Variants in SLC7A1 observed in about 807,000 individuals in gnomAD.
The protein encoded by SLC7A1 is high affinity cationic amino acid transporter 1.
Under a neutral mutation model 53.9 loss-of-function variants are expected in SLC7A1, and 10 were observed. The ratio of observed to expected loss-of-function variants is 0.19; its 90% CI spans 0.11 to 0.31. The LOEUF is 0.31. SLC7A1 is among the 10% of genes least tolerant of loss of function. The pLI is 1.00. For synonymous variants in SLC7A1, 342 were observed against 338.7 expected, an observed-to-expected ratio of 1.01 and a Z score of -0.11; for missense variants, 525 against 827.2, an observed-to-expected ratio of 0.63 and a Z score of 4.48.
intron 1 of SLC7A1, among the ~76,000 whole-genome samples, chr13:29,593,065 G>A (rs1872173474): frequency 6.6e-6 from 1 of 152,178 alleles, no homozygotes; most frequent in Non-Finnish European, 1.5e-5. Context: ...ACGGGTGGCT[G>A]CAACACACAG....
intron 1 of SLC7A1, among the ~76,000 whole-genome samples, chr13:29,591,397 A>T (rs1872103989): frequency 6.6e-6 from 1 of 152,190 alleles, no homozygotes; most frequent in Non-Finnish European, 1.5e-5. Context: ...TCTTTCTGCC[A>T]GTAGGGATCA....
chr13:29,538,482 T>G (rs1297560041), intron 2 of SLC7A1, among the ~76,000 whole-genome samples: 1 of 152,206 alleles, frequency 6.6e-6, no homozygotes. Context: ...AGAGCAGTTC[T>G]GAGGTGTCTC....
rs767731591 is a variant in SLC7A1, at chr13:29,517,246, C to T, written c.1575G>A (p.Ala525=). Residue 525 remains alanine (A), a synonymous_variant, in exon 11 of 13, where the codon GCG becomes GCA. Transcript: ENST00000380752. ...VLGREALTKG[A]LWAVFLLAGS... ...CTGCGAGCAGAAAGACTGCCCACAG[C>T]GCCCCTTTGGTGAGAGCCTCCCTTC... The T allele has an allele frequency of 1.5e-4, 240 of 1,613,244 alleles. No individual in the cohort carries two copies. The highest frequency in any genetic ancestry group is 1.9e-4 in the Non-Finnish European group (219 of 1,179,678).
chr13:29,516,630 G>A (rs931570969), intron 11 of SLC7A1, among the ~76,000 whole-genome samples: 3 of 152,122 alleles, frequency 2.0e-5, no homozygotes, highest in African/African-American at 4.8e-5. Context: ...AGCCTTGCCC[G>A]TCTCCAAGGC....
intron 1 of SLC7A1, among the ~76,000 whole-genome samples, chr13:29,568,531 T>C (rs1482546328): frequency 6.6e-6 from 1 of 152,202 alleles, no homozygotes; most frequent in East Asian, 1.9e-4. Flanking sequence ...TCACATACCA[T>C]TAAAATAAAA....
intron 1 of SLC7A1, among the ~76,000 whole-genome samples, chr13:29,562,655 T>C (rs754287644): frequency 2.0e-5 from 3 of 152,208 alleles, no homozygotes; most frequent in South Asian, 4.1e-4. Flanking sequence ...GTTATCATTG[T>C]TGTGGTATTC....
At chr13:29,529,011 C>T (rs191459373) in intron 5 of SLC7A1, among the ~76,000 whole-genome samples, 19 of 152,240 alleles carry the variant, frequency 1.2e-4, no homozygotes, top group African/African-American at 3.1e-4. Context: ...AACTAGCAAC[C>T]GGTCGAATAT....
rs2482089 is a variant in SLC7A1, at chr13:29,517,577, G to A, written c.1506C>T (p.Leu502=). The change falls in exon 10 of 13, where the codon CTC becomes CTT. Residue 502 remains leucine (L), a synonymous_variant. Transcript: ENST00000380752. ...CAGGGAAGGGCTAGCTCTTACCTAT[G>A]AGGCTGGTTGAAATGTTCACAATTA... ...SGLIVNISTS[L]IAVLIITFCI... 0.97 allele frequency: 1,565,792 copies of A among 1,612,570 alleles called. 761,418 individuals are homozygous for A. Among genetic ancestry groups the A allele is most frequent in the Non-Finnish European group, 0.98 (1,158,558 of 1,178,628 alleles).
intron 9 of SLC7A1, 144 bp from the exon 10 acceptor site, chr13:29,517,934 T>G (rs1868433447): frequency 1.5e-6 from 1 of 662,338 alleles, no homozygotes; most frequent in African/African-American, 1.8e-5. Flanking sequence ...TGCTGCATTG[T>G]AGATAGACGA....
intron 1 of SLC7A1, among the ~76,000 whole-genome samples, chr13:29,559,670 TTAAGC>T (rs1479224760): frequency 6.6e-6 from 1 of 152,026 alleles, no homozygotes; most frequent in Non-Finnish European, 1.5e-5. Context: ...CAGTCATAAA[TTAAGC>T]TTAGCTTACC....
At chr13:29,593,648 A>C (rs61374368) in intron 1 of SLC7A1, among the ~76,000 whole-genome samples, 2,305 of 152,340 alleles carry the variant, frequency 0.015, 60 homozygotes, top group African/African-American at 0.053. Context: ...GTTAAAATAA[A>C]CTACAGACCA....
chr13:29,525,107 G>T (rs1868824678), intron 5 of SLC7A1, among the ~76,000 whole-genome samples: 1 of 152,224 alleles, frequency 6.6e-6, no homozygotes, highest in Non-Finnish European at 1.5e-5. Flanking sequence ...CATGCAGTCA[G>T]TGCAGGCGGC....
chr13:29,549,800 G>A (rs1476948204), intron 2 of SLC7A1, among the ~76,000 whole-genome samples: 1 of 152,108 alleles, frequency 6.6e-6, no homozygotes, highest in Admixed American at 6.5e-5. Flanking sequence ...GAGTAGCTGG[G>A]ACTAGAGGCA....
rs1872144883 is a variant in SLC7A1 at position 29,592,318 on chromosome 13, G to C, written c.-115+3098C>G. 2.6e-5 allele frequency among the ~76,000 whole-genome samples: 4 copies of C among 152,328 alleles called. No homozygotes were observed. The South Asian group carries it at 8.3e-4, about 32-fold the overall frequency. Reference sequence around the variant, plus strand: ...TGAAAGCCACTGGGTGTGGCAGGAGGGGCAAACCACAGACCAGCCAGAATC... The same window carrying C: ...TGAAAGCCACTGGGTGTGGCAGGAGCGGCAAACCACAGACCAGCCAGAATC... On this transcript the variant is annotated intron_variant, in intron 1 of 12. Transcript: ENST00000380752.
At chr13:29,586,092 C>T (rs1221773813) in intron 1 of SLC7A1, among the ~76,000 whole-genome samples, 2 of 152,220 alleles carry the variant, frequency 1.3e-5, no homozygotes, top group Admixed American at 1.3e-4. Flanking sequence ...ACATCTGATA[C>T]TCTGATTTCA....
chr13:29,552,019 G>A (rs372113011), intron 2 of SLC7A1, among the ~76,000 whole-genome samples: 1 of 152,120 alleles, frequency 6.6e-6, no homozygotes, highest in Admixed American at 6.5e-5. Flanking sequence ...TTCAAGGCAG[G>A]CTGCTCAAAG....
intron 2 of SLC7A1, among the ~76,000 whole-genome samples, chr13:29,538,332 G>T (rs959716790): frequency 6.6e-6 from 1 of 152,184 alleles, no homozygotes; most frequent in African/African-American, 2.4e-5. Context: ...AACAGTGATG[G>T]AGTGGGAAAA....
Position 29,532,908 on chromosome 13 carries a change from G to A in SLC7A1, c.445C>T (p.Arg149Trp), listed in dbSNP as rs761231849. 9 of 1,613,984 alleles carry A rather than the reference G, an allele frequency of 5.6e-6. No homozygotes were observed. In the Admixed American group the frequency reaches 6.7e-5, roughly 12 times the overall value. ...LIGRPIGEFSRTHMTLNAPGV... is the reference protein window; with the variant it reads ...LIGRPIGEFSWTHMTLNAPGV... Reference sequence around the variant, plus strand: ...GGGGCGTTCAGAGTCATGTGTGTCCGTGAGAACTCCCCGATGGGTCTGCCT... The same window carrying A: ...GGGGCGTTCAGAGTCATGTGTGTCCATGAGAACTCCCCGATGGGTCTGCCT... Residue 149 changes from arginine to tryptophan, a missense_variant, in exon 4 of 13, where the codon CGG becomes TGG. Transcript: ENST00000380752.
intron 5 of SLC7A1, among the ~76,000 whole-genome samples, chr13:29,526,431 CACTGCACCCCAGCCTGCGCA>C (rs904876219): frequency 2.0e-5 from 3 of 152,250 alleles, no homozygotes; most frequent in South Asian, 2.1e-4. Flanking sequence ...ATGATTGTGC[CACTGCACCCCAGCCTGCGCA>C]ACTGCACCCC....
Sources: allele counts gnomAD v4.1 joint callset (sites outside exome capture counted in the v4.1 genomes callset), GRCh38; gene constraint gnomAD v4.1.1; transcripts MANE v1.5; gene names NCBI Gene and HGNC (gene_info 2026-07-23, HGNC 2026-07-21).